The following IQSEC1 variants were observed in gnomAD, a reference collection of about 807,000 sequenced individuals.
IQSEC1 encodes the protein IQ motif and SEC7 domain-containing protein 1.
In IQSEC1, 31 loss-of-function variants were observed where a neutral mutation model predicts 91.0. The observed-to-expected ratio is 0.34, with a 90% CI of 0.26 to 0.46. IQSEC1 has a LOEUF of 0.46. IQSEC1 is among the 20% of genes least tolerant of loss of function. IQSEC1 has a pLI of 1.00. For missense variants in IQSEC1, 1,388 were observed against 1,575.6 expected, an observed-to-expected ratio of 0.88 and a Z score of 2.02; for synonymous variants, 699 against 662.6, an observed-to-expected ratio of 1.05 and a Z score of -0.84.
intron 1 of IQSEC1, among the ~76,000 whole-genome samples, chr3:13,017,291 C>G (rs550113400): frequency 6.6e-6 from 1 of 152,234 alleles, no homozygotes; most frequent in Non-Finnish European, 1.5e-5. Flanking sequence ...CTCACCTGAA[C>G]ATCTATCTGC....
At chr3:13,068,127 C>T (rs1165648629) in intron 1 of IQSEC1, among the ~76,000 whole-genome samples, 1 of 152,250 alleles carries the variant, frequency 6.6e-6, no homozygotes, top group African/African-American at 2.4e-5. Flanking sequence ...CTGACCAAGG[C>T]CCAGCAGGGT....
At chr3:12,911,818 C>G (rs1695586643) in intron 9 of IQSEC1, 90 bp from the exon 10 acceptor site, 1 of 884,662 alleles carries the variant, frequency 1.1e-6, no homozygotes, top group East Asian at 2.5e-5. Flanking sequence ...TCCTGGAGTT[C>G]AAAGTCAGGA....
rs774033724 is a variant in IQSEC1, at chr3:12,936,380, C to T, written c.636G>A (p.Pro212=). ...DLSEPTTLKS[P]APSSDFADAI... ...CGTCCGCAAAGTCACTGGAGGGGGC[C>T]GGAGACTTGAGGGTGGTGGGCTCGC... Residue 212 remains proline (P), a synonymous_variant, in exon 3 of 14, where the codon CCG becomes CCA. Coordinates refer to ENST00000613206, the MANE Select transcript of IQSEC1 (RefSeq NM_001134382.3). The T allele has an allele frequency of 1.3e-5, 20 of 1,597,270 alleles. No homozygotes were observed. The highest frequency in any genetic ancestry group is 4.5e-5 in the East Asian group (2 of 44,618).
In IQSEC1 at chr3:12,920,619, T is replaced by A. The variant is rs1696540384; in HGVS notation, c.1854-23A>T. 4 of 1,607,840 alleles carry A rather than the reference T, an allele frequency of 2.5e-6. No individual in the cohort carries two copies. In the East Asian group the frequency reaches 8.9e-5, roughly 36 times the overall value. On this transcript the variant is annotated intron_variant, in intron 5 of 13. Transcript: ENST00000613206. ...TGGCTGCGGGCCGGGAGGGAGGGGG[T>A]CAGGGCCATGGCGCAGCAAGTGACA...
intron 1 of IQSEC1, among the ~76,000 whole-genome samples, chr3:13,192,980 C>T (rs1694063164): frequency 6.6e-6 from 1 of 152,266 alleles, no homozygotes; most frequent in African/African-American, 2.4e-5. Context: ...GACCTCTGTT[C>T]CCAGTGACAG....
At chr3:13,026,008 C>T (rs1237369259) in intron 1 of IQSEC1, among the ~76,000 whole-genome samples, 1 of 152,260 alleles carries the variant, frequency 6.6e-6, no homozygotes, top group Non-Finnish European at 1.5e-5. Flanking sequence ...CCACATGCCC[C>T]AGTCTGCTCT....
At chr3:12,975,791 C>T (rs1194502181) in intron 1 of IQSEC1, among the ~76,000 whole-genome samples, 4 of 152,216 alleles carry the variant, frequency 2.6e-5, no homozygotes, top group Non-Finnish European at 5.9e-5. Flanking sequence ...TAAGGGCAAA[C>T]AGCTAGTGAG....
chr3:13,243,495 G>T (rs1695056519), intron 1 of IQSEC1, among the ~76,000 whole-genome samples: 2 of 152,210 alleles, frequency 1.3e-5, no homozygotes, highest in Non-Finnish European at 2.9e-5. Flanking sequence ...TTCCAGGGGT[G>T]CTCTCTGCTC....
chr3:12,908,546 G>A lies in IQSEC1; in HGVS notation c.2579-21C>T. 1.2e-6 allele frequency: 2 copies of A among 1,613,200 alleles called. No individual in the cohort carries two copies. Among genetic ancestry groups the A allele is most frequent in the Non-Finnish European group, 1.7e-6 (2 of 1,179,932 alleles). On this transcript the variant is annotated intron_variant, in intron 11 of 13. Transcript: ENST00000613206. This position sits in a 1 kb window ranked among gnomAD's most constrained non-coding sequence, Gnocchi z 4.9. The stretch of plus-strand genomic sequence containing the variant: ...CTCCGCTGGAACAGAGAGGGTGAGG[G>A]TCCTGGTGAGAGGAGCACAGCCTAG...
rs71306027 is a variant in IQSEC1 at position 12,935,764 on chromosome 3, G to C, written c.1252C>G (p.Arg418Gly). ...CGGGGCCGCAACTCAGGCTCCTCCC[G>C]GGGGAGGCTCTTGGGGGCGCCGCTG... ...PHSGAPKSLPREEPELRPRPP... is the reference protein window; with the variant it reads ...PHSGAPKSLPGEEPELRPRPP... The change falls in exon 3 of 14, where the codon CGG (arginine) becomes GGG (glycine). Residue 418 changes from arginine (R) to glycine (G), a missense_variant. This residue lies in a region of IQSEC1 where 1,059 missense variants were observed against 1,317.8 expected (regional missense o/e 0.80). Coordinates refer to ENST00000613206, the MANE Select transcript of IQSEC1 (RefSeq NM_001134382.3). This position sits in a 1 kb window ranked among gnomAD's most constrained non-coding sequence, Gnocchi z 8.0. The C allele has an allele frequency of 2.5e-6, 4 of 1,608,256 alleles. No individual in the cohort carries two copies. In the South Asian group the frequency reaches 4.4e-5, roughly 18 times the overall value.
At chr3:13,174,544 A>G (rs1693680924) in intron 1 of IQSEC1, among the ~76,000 whole-genome samples, 2 of 152,078 alleles carry the variant, frequency 1.3e-5, no homozygotes, top group African/African-American at 4.8e-5. Context: ...GTCGCTCTGT[A>G]TCTTCCACAC....
chr3:13,162,384 A>T (rs1452751288), intron 2 of IQSEC1, among the ~76,000 whole-genome samples: 1 of 152,176 alleles, frequency 6.6e-6, no homozygotes, highest in Non-Finnish European at 1.5e-5. Context: ...CTCCGAGTCC[A>T]TGTGGGAATC....
Position 13,177,235 on chromosome 3 carries a change from A to C in IQSEC1, c.273-13102T>G, listed in dbSNP as rs371996117. Among the ~76,000 whole-genome samples the C allele has an allele frequency of 4.6e-5, 7 of 152,382 alleles. No homozygotes were observed. The South Asian group carries it at 1.4e-3, about 32-fold the overall frequency. On this transcript the variant is annotated intron_variant, in intron 1 of 15. Transcript: ENST00000648114. ...TCTCAACAAAGCTCTTAAAACAACA[A>C]AATGGACCAGTGGTCCCTGACAAGG...
At position 12,983,435 on chromosome 3, in the gene IQSEC1, A is replaced by G. The variant is rs1701566583; in HGVS notation, c.24-41570T>C. On this transcript the variant is annotated intron_variant, in intron 1 of 13. Transcript: ENST00000613206. This position sits in a 1 kb window ranked among gnomAD's most constrained non-coding sequence, Gnocchi z 4.3. The stretch of plus-strand genomic sequence containing the variant: ...TCCTGGCCTGACCAAAGCAATCCCC[A>G]GCCCCACCTCTCACTGGGTTGGTCT... Among the ~76,000 whole-genome samples, 1 of 152,176 alleles carries G rather than the reference A, an allele frequency of 6.6e-6. No homozygotes were observed. Among genetic ancestry groups the G allele is most frequent in the Non-Finnish European group, 1.5e-5 (1 of 68,026 alleles).
chr3:13,265,115 C>T (rs1369728228), intron 1 of IQSEC1, among the ~76,000 whole-genome samples: 1 of 152,166 alleles, frequency 6.6e-6, no homozygotes, highest in Non-Finnish European at 1.5e-5. Context: ...GTCATGCGTC[C>T]CCTCAACCTG....
chr3:12,967,971 A>T lies in IQSEC1; in HGVS notation c.24-26106T>A, dbSNP rs1194678662. On this transcript the variant is annotated intron_variant, in intron 1 of 13. Coordinates refer to ENST00000613206, the MANE Select transcript of IQSEC1 (RefSeq NM_001134382.3). This position sits in a 1 kb window ranked among gnomAD's most constrained non-coding sequence, Gnocchi z 5.9. ...AGCCGAGGCGCGGGGTGCAGAGCGC[A>T]AGGGCGGAGTCCCAGACACTGCATC... Among the ~76,000 whole-genome samples the T allele has an allele frequency of 6.6e-6, 1 of 152,142 alleles. No individual in the cohort carries two copies. The highest frequency in any genetic ancestry group is 1.5e-5 in the Non-Finnish European group (1 of 68,000).
intron 1 of IQSEC1, among the ~76,000 whole-genome samples, chr3:13,281,756 C>T (rs1472751123): frequency 1.3e-5 from 2 of 152,230 alleles, no homozygotes; most frequent in African/African-American, 4.8e-5. Flanking sequence ...GTCCTGAAGC[C>T]CTGACCACGG....
chr3:13,034,504 G>A (rs533069090), intron 1 of IQSEC1, among the ~76,000 whole-genome samples: 7 of 152,326 alleles, frequency 4.6e-5, no homozygotes, highest in South Asian at 2.1e-4. Flanking sequence ...GAAGGCAGCC[G>A]GGGAGGAGGA....
At chr3:13,138,242 T>G (rs1706741792) in intron 2 of IQSEC1, among the ~76,000 whole-genome samples, 1 of 152,066 alleles carries the variant, frequency 6.6e-6, no homozygotes, top group Non-Finnish European at 1.5e-5. Context: ...CACTGGAGGC[T>G]CCCAGCGATC....
Sources: allele counts gnomAD v4.1 joint callset (sites outside exome capture counted in the v4.1 genomes callset), GRCh38; gene constraint gnomAD v4.1.1; regional missense constraint gnomAD v4.1.1; non-coding constraint Gnocchi (gnomAD v3.1); transcripts MANE v1.5; gene names NCBI Gene and HGNC (gene_info 2026-07-23, HGNC 2026-07-21).